The following MAP6 variants were observed in gnomAD, a reference collection of about 807,000 sequenced individuals.
MAP6 encodes the protein microtubule-associated protein 6.
Under a neutral mutation model 42.4 loss-of-function variants are expected in MAP6, and 26 were observed. That is an observed-to-expected ratio of 0.61 (90% CI 0.45 to 0.85). The LOEUF (loss-of-function observed/expected upper bound fraction) is 0.85. Ranked by LOEUF, MAP6 falls within the 40% of genes least tolerant of loss-of-function variation. MAP6 has a pLI of 0.00. For synonymous variants in MAP6, 418 were observed against 443.8 expected (o/e 0.94, Z 0.73); for missense variants, 966 against 1,099.0 (o/e 0.88, Z 1.71).
chr11:75,636,059 G>A (rs1218957791), intron 1 of MAP6: 3 of 152,180 alleles, frequency 2.0e-5, no homozygotes, highest in Non-Finnish European at 4.4e-5. Context: ...AGGGTCCTGG[G>A]CCCCACCCCC....
At chr11:75,600,174 G>T (rs1942641955) in intron 3 of MAP6, among the ~76,000 whole-genome samples, 2 of 152,126 alleles carry the variant, frequency 1.3e-5, no homozygotes, top group African/African-American at 4.8e-5. Flanking sequence ...CATGTTTAGT[G>T]TCCTCCAGGG....
Position 75,668,256 on chromosome 11 carries a change from C to T in MAP6, c.114G>A (p.Glu38=). ...GTGGCTGCGGCGGGGCGCCCGGGTG[C>T]TCGGTGGCCTCCGAGTACTTGGTGA... The part of the protein sequence containing the change: ...LVFTKYSEAT[E]HPGAPPQPPP... The change falls in exon 1 of 4, where the codon GAG becomes GAA. Residue 38 remains glutamate (E), a synonymous_variant. Coordinates refer to ENST00000304771, the MANE Select transcript of MAP6 (RefSeq NM_033063.2). The T allele has an allele frequency of 6.8e-7, 1 of 1,479,396 alleles. No individual in the cohort carries two copies. Among genetic ancestry groups the T allele is most frequent in the Non-Finnish European group, 8.9e-7 (1 of 1,117,568 alleles). The allele number at this position is 1,479,396 out of a possible 1,614,324, so 91.6% of individuals were successfully genotyped here. A position where few individuals can be genotyped will look rare whatever the true frequency, so the allele number is the denominator to read the frequency against.
At chr11:75,618,835 TCCAATAGTGCCAAA>T (rs2135607766) in intron 1 of MAP6, among the ~76,000 whole-genome samples, 1 of 152,344 alleles carries the variant, frequency 6.6e-6, no homozygotes, top group Admixed American at 6.5e-5. Flanking sequence ...TGCTTCCTGA[TCCAATAGTGCCAAA>T]CCCTTTGTCT....
At chr11:75,649,153 G>A (rs1943608389) in intron 1 of MAP6, among the ~76,000 whole-genome samples, 1 of 152,152 alleles carries the variant, frequency 6.6e-6, no homozygotes, top group African/African-American at 2.4e-5. Flanking sequence ...CATAAATAGG[G>A]AAATAAATAA....
chr11:75,626,210 C>T (rs1943190984), intron 1 of MAP6, among the ~76,000 whole-genome samples: 1 of 152,214 alleles, frequency 6.6e-6, no homozygotes, highest in South Asian at 2.1e-4. Flanking sequence ...CCTAGCCCAG[C>T]ACAGAGCAGG....
chr11:75,593,713 T>C (rs2135573589), intron 3 of MAP6, among the ~76,000 whole-genome samples: 1 of 152,016 alleles, frequency 6.6e-6, no homozygotes, highest in Non-Finnish European at 1.5e-5. Flanking sequence ...AGTGTGGGAG[T>C]GTGGGGCAGT....
At position 75,668,013 on chromosome 11, in the gene MAP6, C is replaced by G. The variant is rs762824021; in HGVS notation, c.357G>C (p.Ser119=). The change falls in exon 1 of 4, where the codon TCG becomes TCC. Residue 119 remains serine (S), a synonymous_variant. Coordinates refer to ENST00000304771, the MANE Select transcript of MAP6 (RefSeq NM_033063.2). ...GSGSTSGPAD[S]VMRQDYRAWK... ...AGGCTCGGTAATCCTGCCGCATCACCGAGTCCGCGGGGCCGGAGGTGGAGC... is the reference window on the plus strand; with the variant it reads ...AGGCTCGGTAATCCTGCCGCATCACGGAGTCCGCGGGGCCGGAGGTGGAGC... The G allele has an allele frequency of 3.2e-6, 4 of 1,236,958 alleles. No homozygotes were observed. The highest frequency in any genetic ancestry group is 1.6e-5 in the African/African-American group (1 of 64,184). The allele number at this position is 1,236,958 out of a possible 1,614,324, so 76.6% of individuals were successfully genotyped here.
At chr11:75,619,521 T>G (rs907547280) in intron 1 of MAP6, among the ~76,000 whole-genome samples, 6 of 152,330 alleles carry the variant, frequency 3.9e-5, no homozygotes, top group African/African-American at 1.4e-4. Flanking sequence ...TTCCACCTTC[T>G]GATAGGCCCC....
intron 1 of MAP6, among the ~76,000 whole-genome samples, chr11:75,664,198 A>C (rs887397824): frequency 1.3e-5 from 2 of 152,370 alleles, no homozygotes; most frequent in African/African-American, 4.8e-5. Flanking sequence ...TCATCTATGT[A>C]AAATGAATGT....
At chr11:75,604,540 A>G (rs1471695386) in intron 3 of MAP6, 1 of 985,336 alleles carries the variant, frequency 1.0e-6, no homozygotes, top group Non-Finnish European at 1.2e-6. Context: ...TATACACGTC[A>G]TATTGGCAAA....
At chr11:75,608,077 G>A in intron 2 of MAP6, 32 bp downstream of exon 2, 18 of 1,602,310 alleles carry the variant, frequency 1.1e-5, no homozygotes, top group African/African-American at 6.7e-5. Context: ...GGTCCAGGCT[G>A]TGCTGATGGG....
At chr11:75,655,009 T>C (rs2135684723) in intron 1 of MAP6, among the ~76,000 whole-genome samples, 1 of 152,250 alleles carries the variant, frequency 6.6e-6, no homozygotes, top group Non-Finnish European at 1.5e-5. Flanking sequence ...GCTCCCAATT[T>C]TTACTCTCAC....
chr11:75,637,057 A>G lies in MAP6; in HGVS notation c.906-28735T>C, dbSNP rs561876758. The stretch of plus-strand genomic sequence containing the variant: ...AGGACAAAGCCCTTCTCCCTTTTCA[A>G]CAGCTATTAATTAGATTAACTTGGT... On this transcript the variant is annotated intron_variant, in intron 1 of 3. Coordinates refer to ENST00000304771, the MANE Select transcript of MAP6 (RefSeq NM_033063.2). 2.0e-5 allele frequency among the ~76,000 whole-genome samples: 3 copies of G among 152,314 alleles called. No individual in the cohort carries two copies. In the East Asian group the frequency reaches 5.8e-4, roughly 29 times the overall value.
At chr11:75,603,595 TGGGGGC>T in intron 3 of MAP6, 1 of 433,524 alleles carries the variant, frequency 2.3e-6, no homozygotes, top group Non-Finnish European at 2.8e-6. Flanking sequence ...GGGCAGTGAG[TGGGGGC>T]GGGGGGTGGG....
chr11:75,651,088 T>G lies in MAP6; in HGVS notation c.905+16377A>C, dbSNP rs1301741271. Reference sequence around the variant, plus strand: ...AGCTGACACAGAGTAAATCAGCATGTCCCAATCCCTGGGGATATGACCCCA... The same window carrying G: ...AGCTGACACAGAGTAAATCAGCATGGCCCAATCCCTGGGGATATGACCCCA... On this transcript the variant is annotated intron_variant, in intron 1 of 3. Transcript: ENST00000304771. Among the ~76,000 whole-genome samples, 3 of 152,132 alleles carry G rather than the reference T, an allele frequency of 2.0e-5. No homozygotes were observed. The East Asian group carries it at 5.8e-4, about 29-fold the overall frequency.
intron 1 of MAP6, among the ~76,000 whole-genome samples, chr11:75,623,511 T>C (rs1358285991): frequency 6.6e-6 from 1 of 152,180 alleles, no homozygotes; most frequent in Non-Finnish European, 1.5e-5. Flanking sequence ...AAGGAGGTGA[T>C]CCCTGCCTCC....
At chr11:75,630,734 T>C (rs1943272059) in intron 1 of MAP6, among the ~76,000 whole-genome samples, 2 of 152,236 alleles carry the variant, frequency 1.3e-5, no homozygotes, top group African/African-American at 4.8e-5. Context: ...CCTAAACTCA[T>C]TACTAATTAA....
intron 3 of MAP6, chr11:75,603,224 G>A: frequency 1.0e-6 from 1 of 985,532 alleles, no homozygotes. Flanking sequence ...GAAAGCTTCA[G>A]TCCCAGCTCC....
chr11:75,612,780 G>C (rs936833292), intron 1 of MAP6, among the ~76,000 whole-genome samples: 21 of 152,174 alleles, frequency 1.4e-4, no homozygotes, highest in Non-Finnish European at 1.6e-4. Context: ...CCCAATACTA[G>C]CTATTCTTTA....
Sources: gnomAD v4.1 joint callset for allele counts (sites outside exome capture counted in the v4.1 genomes callset) on GRCh38, gnomAD v4.1.1 for gene constraint, MANE v1.5 for transcripts, NCBI Gene and HGNC (gene_info 2026-07-23, HGNC 2026-07-21) for gene names.